EGFR: variants seen among roughly 807,000 people sequenced by gnomAD.
EGFR encodes the protein epidermal growth factor receptor.
A neutral mutation model predicts 143.0 loss-of-function variants in EGFR; 58 were observed. The observed-to-expected ratio is 0.41, with a 90% CI of 0.33 to 0.50. The LOEUF (loss-of-function observed/expected upper bound fraction) is 0.50. Among genes scored for constraint, EGFR ranks in the 20% least tolerant of loss-of-function variants. The pLI is 0.39. For missense variants in EGFR, 1,307 were observed against 1,579.0 expected, an observed-to-expected ratio of 0.83 and a Z score of 2.92; for synonymous variants, 613 against 594.4, an observed-to-expected ratio of 1.03 and a Z score of -0.45.
At chr7:55,134,959 G>A (rs79537906) in intron 1 of EGFR, among the ~76,000 whole-genome samples, 2,859 of 152,236 alleles carry the variant, frequency 0.019, 107 homozygotes, top group African/African-American at 0.066. Flanking sequence ...AGCATGTTGA[G>A]ATAACTGGCT....
chr7:55,090,471 A>C (rs1791046595), intron 1 of EGFR, among the ~76,000 whole-genome samples: 1 of 152,218 alleles, frequency 6.6e-6, no homozygotes, highest in Admixed American at 6.5e-5. Flanking sequence ...TCCTATGTGT[A>C]GATTTTCTTG....
intron 3 of EGFR, among the ~76,000 whole-genome samples, chr7:55,146,300 C>T (rs1794756397): frequency 2.0e-5 from 3 of 152,114 alleles, no homozygotes; most frequent in Admixed American, 2.0e-4. Flanking sequence ...TGGGACCCAG[C>T]TTACCACATG....
rs191796618 is a variant in EGFR, at chr7:55,115,082, C to T, written c.89-27204C>T. ...ATTTTTAGTAGAGACGGGGTTTCAC[C>T]ATGGTCTCGATCTCCTGACCTCATG... On this transcript the variant is annotated intron_variant, in intron 1 of 27. Transcript: ENST00000275493. Among the ~76,000 whole-genome samples the T allele has an allele frequency of 5.3e-3, 808 of 152,166 alleles. 7 individuals carry two copies. Among genetic ancestry groups the T allele is most frequent in the African/African-American group, 0.018 (761 of 41,518 alleles).
chr7:55,172,913 C>T (rs779560466), intron 16 of EGFR, 70 bp from the exon 17 acceptor site: 15 of 1,613,256 alleles, frequency 9.3e-6, no homozygotes, highest in South Asian at 2.2e-5. Flanking sequence ...CATGCAGGGG[C>T]GTGTTGAGTG....
chr7:55,171,325 A>G, intron 16 of EGFR, 112 bp downstream of exon 16: 7 of 1,478,112 alleles, frequency 4.7e-6, no homozygotes, highest in Non-Finnish European at 6.6e-6. Context: ...TCAAGTTTCT[A>G]TGGCTCTGGG....
chr7:55,126,505 T>A (rs1050258781), intron 1 of EGFR, among the ~76,000 whole-genome samples: 6 of 152,190 alleles, frequency 3.9e-5, no homozygotes, highest in Admixed American at 2.0e-4. Context: ...ACCCCACTAC[T>A]GTTGGCAGAG....
At position 55,173,884 on chromosome 7, in the gene EGFR, G is replaced by T. The variant is rs370693346; in HGVS notation, c.2062-37G>T. 110 of 1,614,186 alleles carry T rather than the reference G, an allele frequency of 6.8e-5. No homozygotes were observed. The African/African-American group carries it at 1.4e-3, about 21-fold the overall frequency. ...ACTGCTTTCCAGCATGGTGAGGGCT[G>T]AGGTGACCCTTGTCTCTGTGTTCTT... On this transcript the variant is annotated intron_variant, in intron 17 of 27. Transcript: ENST00000275493.
chr7:55,081,659 G>A (rs930917856), intron 1 of EGFR, among the ~76,000 whole-genome samples: 14 of 151,998 alleles, frequency 9.2e-5, no homozygotes, highest in African/African-American at 3.4e-4. Context: ...CCCTGGGCGA[G>A]GAGGGGCCAT....
chr7:55,154,290 C>T (rs2128935476), intron 7 of EGFR, 138 bp downstream of exon 7: 1 of 1,355,684 alleles, frequency 7.4e-7, no homozygotes, highest in Admixed American at 1.9e-5. Flanking sequence ...CGACCCTGTG[C>T]CCGTCCAGGC....
chr7:55,126,490 A>C (rs1233472604), intron 1 of EGFR, among the ~76,000 whole-genome samples: 5 of 152,210 alleles, frequency 3.3e-5, no homozygotes, highest in Admixed American at 3.3e-4. Context: ...CATTTGCCCA[A>C]GGGGACCCCA....
In EGFR at chr7:55,201,663, A is replaced by G. The variant is rs2128972365; in HGVS notation, c.3115-72A>G. 1.9e-6 allele frequency: 3 copies of G among 1,573,312 alleles called. No individual in the cohort carries two copies. In the Admixed American group the frequency reaches 5.0e-5, roughly 26 times the overall value. ...CAATATACCCTCCATGAGGCACACCACCTGCATTCAGGAAAAGTGGATGAG... is the reference window on the plus strand; with the variant it reads ...CAATATACCCTCCATGAGGCACACCGCCTGCATTCAGGAAAAGTGGATGAG... On this transcript the variant is annotated intron_variant, in intron 25 of 27. Coordinates refer to ENST00000275493, the MANE Select transcript of EGFR (RefSeq NM_005228.5).
intron 13 of EGFR, 132 bp from the exon 14 acceptor site, chr7:55,163,601 A>G: frequency 1.3e-6 from 1 of 745,474 alleles, no homozygotes; most frequent in Non-Finnish European, 2.4e-6. Context: ...AGCTGATTAT[A>G]TTACTATATA....
chr7:55,200,303 A>G lies in EGFR; in HGVS notation c.2849-13A>G, dbSNP rs764001096. ...TGTTCTAATTGCACTGTTTTTTCTC[A>G]TTCCTTCCCCAGGCTGGATGATAGA... On this transcript the variant is annotated splice_polypyrimidine_tract_variant and intron_variant, in intron 23 of 27. Coordinates refer to ENST00000275493, the MANE Select transcript of EGFR (RefSeq NM_005228.5). The G allele has an allele frequency of 1.7e-5, 27 of 1,613,268 alleles. No homozygotes were observed. In the Admixed American group the frequency reaches 4.3e-4, roughly 26 times the overall value.
chr7:55,153,849 G>A (rs1785273797), intron 6 of EGFR, among the ~76,000 whole-genome samples, 162 bp from the exon 7 acceptor site: 2 of 152,204 alleles, frequency 1.3e-5, no homozygotes, highest in Admixed American at 6.5e-5. Flanking sequence ...TTCTGACTCT[G>A]CAGAGGGCGC....
intron 1 of EGFR, among the ~76,000 whole-genome samples, chr7:55,124,797 C>A (rs1259101490): frequency 6.6e-6 from 1 of 152,220 alleles, no homozygotes; most frequent in Non-Finnish European, 1.5e-5. Flanking sequence ...TCCAGTGCTC[C>A]TACTACCATA....
In EGFR at chr7:55,200,379, TG is replaced by T; in HGVS notation, c.2914del (p.Ala972ProfsTer30). ...GAGTTGATCATCGAATTCTCCAAAA[TG>T]GCCCGAGACCCCCAGCGCTACCTTG... ...FRELIIEFSK[M>X]ARDPQRYLVI... On this transcript the variant is annotated frameshift_variant, in exon 24 of 28. Transcript: ENST00000275493. LOFTEE classifies it high-confidence loss of function. 6.2e-7 allele frequency: 1 copy of T among 1,614,188 alleles called. No homozygotes were observed. Among genetic ancestry groups the T allele is most frequent in the Non-Finnish European group, 8.5e-7 (1 of 1,180,036 alleles).
rs1786370184 is a variant in EGFR at position 55,019,311 on chromosome 7, C to A, written c.34C>A (p.Leu12Met). 1 of 1,521,028 alleles carries A rather than the reference C, an allele frequency of 6.6e-7. No homozygotes were observed. The highest frequency in any genetic ancestry group is 8.8e-7 in the Non-Finnish European group (1 of 1,130,420). 94.2% of individuals were successfully genotyped at this position (1,521,028 alleles called of 1,614,324 possible). Reference protein sequence around the residue: ...RPSGTAGAALLALLAALCPAS... With the variant: ...RPSGTAGAALMALLAALCPAS... The stretch of plus-strand genomic sequence containing the variant: ...CTCCGGGACGGCCGGGGCAGCGCTC[C>A]TGGCGCTGCTGGCTGCGCTCTGCCC... Residue 12 changes from leucine to methionine, a missense_variant, in exon 1 of 28, where the codon CTG becomes ATG. By Grantham distance (15) the Leu-to-Met change is conservative. Transcript: ENST00000275493.
chr7:55,157,306 T>A (rs1295405047), intron 10 of EGFR, among the ~76,000 whole-genome samples: 1 of 152,160 alleles, frequency 6.6e-6, no homozygotes, highest in Admixed American at 6.5e-5. Context: ...ATAAGGAAAA[T>A]TTGTAAAGCT....
intron 1 of EGFR, among the ~76,000 whole-genome samples, chr7:55,031,548 G>A (rs965741405): frequency 6.6e-6 from 1 of 152,136 alleles, no homozygotes; most frequent in Non-Finnish European, 1.5e-5. Flanking sequence ...AGTCCCAGAA[G>A]GGCAGAAGAC....
Sources: allele counts gnomAD v4.1 joint callset (sites outside exome capture counted in the v4.1 genomes callset), GRCh38; gene constraint gnomAD v4.1.1; transcripts MANE v1.5; gene names NCBI Gene and HGNC (gene_info 2026-07-23, HGNC 2026-07-21).